PSG11: variants seen among roughly 807,000 people sequenced by gnomAD.
PSG11 encodes the protein pregnancy-specific beta-1-glycoprotein 11.
A neutral mutation model predicts 36.0 loss-of-function variants in PSG11; 42 were observed. The ratio of observed to expected loss-of-function variants is 1.17; its 90% CI spans 0.91 to 1.51. PSG11 has a LOEUF of 1.51. Among genes scored for constraint, PSG11 ranks in the 40% most tolerant of loss-of-function variants. The pLI, the probability that PSG11 is intolerant of heterozygous loss-of-function variation, is 0.00. For missense variants in PSG11, 558 were observed against 403.5 expected, an observed-to-expected ratio of 1.38 and a Z score of -3.28; for synonymous variants, 206 against 153.5, an observed-to-expected ratio of 1.34 and a Z score of -2.53.
At chr19:43,017,832 T>A (rs1281258012) in intron 3 of PSG11, among the ~76,000 whole-genome samples, 2 of 151,650 alleles carry the variant, frequency 1.3e-5, no homozygotes, top group East Asian at 3.9e-4. Context: ...ACCTTTTTGG[T>A]TAAACTTATT....
intron 2 of PSG11, among the ~76,000 whole-genome samples, chr19:43,020,588 G>A (rs924858997): frequency 6.6e-6 from 1 of 151,426 alleles, no homozygotes; most frequent in Admixed American, 6.6e-5. Flanking sequence ...GCTGGTAGTA[G>A]TATTTCTCTT....
In PSG11 at chr19:43,024,962, T is replaced by C; in HGVS notation, c.159A>G (p.Leu53=). 6.2e-7 allele frequency: 1 copy of C among 1,611,736 alleles called. No individual in the cohort carries two copies. Among genetic ancestry groups the C allele is most frequent in the Non-Finnish European group, 8.5e-7 (1 of 1,179,014 alleles). Residue 53 remains leucine, a synonymous_variant, in exon 2 of 6, where the codon CTA becomes CTG. Transcript: ENST00000320078. ...PKVSEGKDVL[L]LVHNLPQNLT... is the part of the protein sequence containing the mutation. Reference sequence around the variant, plus strand: ...GATTCTGGGGCAAATTGTGGACAAGTAGAAGAACATCCTTCCCCTCGGACA... The same window carrying C: ...GATTCTGGGGCAAATTGTGGACAAGCAGAAGAACATCCTTCCCCTCGGACA...
At chr19:43,025,278 T>C (rs1967215756) in intron 1 of PSG11, 1 of 837,320 alleles carries the variant, frequency 1.2e-6, no homozygotes, top group African/African-American at 1.7e-5. Context: ...GTCAGCAGCA[T>C]GACCCCCATT....
intron 4 of PSG11, among the ~76,000 whole-genome samples, chr19:43,013,204 C>A (rs1462743375): frequency 6.6e-6 from 1 of 151,278 alleles, no homozygotes; most frequent in Non-Finnish European, 1.5e-5. Flanking sequence ...CTGGATTTCA[C>A]AATAATTCCT....
At position 43,015,732 on chromosome 19, in the gene PSG11, G is replaced by A. The variant is rs73937305; in HGVS notation, c.710-362C>T. 1,411 of 1,491,360 alleles carry A rather than the reference G, an allele frequency of 9.5e-4. 77 individuals are homozygous for A. In the African/African-American group the frequency reaches 0.017, roughly 18 times the overall value. 92.4% of individuals were successfully genotyped at this position (1,491,360 alleles called of 1,614,324 possible). ...CTGGCCCCTGGTCGTTTGGATTTAA[G>A]CTGGTGTCCTGGCCCACAGAGGAAC... On this transcript the variant is annotated intron_variant, in intron 3 of 5. Coordinates refer to ENST00000320078, the MANE Select transcript of PSG11 (RefSeq NM_002785.3).
At chr19:43,025,936 CTTTTTTTTT>C (rs1195259262) in intron 1 of PSG11, among the ~76,000 whole-genome samples, 1 of 68,148 alleles carries the variant, frequency 1.5e-5, no homozygotes, top group Non-Finnish European at 2.5e-5. Context: ...TTTTTTTTCT[CTTTTTTTTT>C]TTTTTTTTTT....
chr19:43,026,310 T>C lies in PSG11; in HGVS notation c.63A>G (p.Thr21=). ...EHIKWKGLLL[T]ALLLNFWNLP... ...TCTCCCAGGAAGTTCTCTCCTCACC[T>C]GTGAGCAGGAGCCCCTTCCATTTGA... The change falls in exon 1 of 6, where the codon ACA becomes ACG. Residue 21 remains threonine (T), a splice_region_variant and synonymous_variant. Transcript: ENST00000320078. The C allele has an allele frequency of 6.2e-7, 1 of 1,610,536 alleles. No individual in the cohort carries two copies. Among genetic ancestry groups the C allele is most frequent in the Non-Finnish European group, 8.5e-7 (1 of 1,178,354 alleles).
chr19:43,025,655 GTTT>G (rs11346416), intron 1 of PSG11, among the ~76,000 whole-genome samples: 1 of 144,848 alleles, frequency 6.9e-6, no homozygotes, highest in African/African-American at 2.5e-5. Flanking sequence ...CGCCCTGGGT[GTTT>G]TTTTTTTTTT....
At chr19:43,014,422 G>A in intron 4 of PSG11, 2 of 951,980 alleles carry the variant, frequency 2.1e-6, no homozygotes, top group Non-Finnish European at 2.5e-6. Flanking sequence ...GCCTCATACA[G>A]CCAGTGACTT....
At position 43,017,769 on chromosome 19, in the gene PSG11, T is replaced by C. The variant is rs555215494; in HGVS notation, c.709+1001A>G. Reference sequence around the variant, plus strand: ...GAAGTGTCTTTCCATATAATGATATTGTCTTTAATTTCTTTCAGCAATGTT... The same window carrying C: ...GAAGTGTCTTTCCATATAATGATATCGTCTTTAATTTCTTTCAGCAATGTT... On this transcript the variant is annotated intron_variant, in intron 3 of 5. Coordinates refer to ENST00000320078, the MANE Select transcript of PSG11 (RefSeq NM_002785.3). 2.0e-3 allele frequency among the ~76,000 whole-genome samples: 307 copies of C among 151,666 alleles called. 16 individuals carry two copies. Among genetic ancestry groups the C allele is most frequent in the African/African-American group, 7.2e-3 (295 of 41,220 alleles).
chr19:43,025,138 C>G lies in PSG11; in HGVS notation c.65-82G>C, dbSNP rs1311566080. 10 of 1,507,050 alleles carry G rather than the reference C, an allele frequency of 6.6e-6. No homozygotes were observed. The African/African-American group carries it at 1.1e-4, about 17-fold the overall frequency. The allele number at this position is 1,507,050 out of a possible 1,614,324, so 93.4% of individuals were successfully genotyped here. ...ATGGGGCCCTGAGTCCTGAGAAGGTCTCTTCAATCCTCAGCCTTGAAGACA... is the reference window on the plus strand; with the variant it reads ...ATGGGGCCCTGAGTCCTGAGAAGGTGTCTTCAATCCTCAGCCTTGAAGACA... On this transcript the variant is annotated intron_variant, in intron 1 of 5. Transcript: ENST00000320078.
intron 2 of PSG11, among the ~76,000 whole-genome samples, chr19:43,022,618 G>A (rs1254499255): frequency 6.6e-6 from 1 of 151,422 alleles, no homozygotes; most frequent in Non-Finnish European, 1.5e-5. Flanking sequence ...TTGTGTGTGT[G>A]TGTGCAGGAG....
Position 43,022,514 on chromosome 19 carries a change from C to G in PSG11, c.430+2177G>C, listed in dbSNP as rs3950837. ...CCTGATCCACTGGGGAGGCTGATTT[C>G]AGTAATAATAAACCTCTGTCCTCCT... On this transcript the variant is annotated intron_variant, in intron 2 of 5. Transcript: ENST00000320078. 6.8e-3 allele frequency among the ~76,000 whole-genome samples: 1,027 copies of G among 151,440 alleles called. 42 individuals are homozygous for G. The highest frequency in any genetic ancestry group is 0.021 in the African/African-American group (876 of 41,116).
Position 43,015,377 on chromosome 19 carries a change from GAA to G in PSG11, c.710-9_710-8del. Reference sequence around the variant, plus strand: ...CTGGGGAGGTCTGGACCATCTGGAGGAAAGAGAATAAAGCCACAGTTGATGTC... The same window carrying G: ...CTGGGGAGGTCTGGACCATCTGGAGGAGAGAATAAAGCCACAGTTGATGTC... On this transcript the variant is annotated splice_region_variant and splice_polypyrimidine_tract_variant and intron_variant, in intron 3 of 5. Transcript: ENST00000320078. 6.2e-7 allele frequency: 1 copy of G among 1,605,972 alleles called. No homozygotes were observed. Among genetic ancestry groups the G allele is most frequent in the African/African-American group, 1.3e-5 (1 of 74,082 alleles).
chr19:43,018,476 G>C (rs1213450256), intron 3 of PSG11: 8 of 629,006 alleles, frequency 1.3e-5, no homozygotes, highest in Admixed American at 6.4e-5. Flanking sequence ...CAAGACTGAA[G>C]TCCCAGCCAA....
intron 4 of PSG11, among the ~76,000 whole-genome samples, chr19:43,013,889 G>A (rs1428384532): frequency 2.0e-5 from 3 of 151,482 alleles, no homozygotes; most frequent in African/African-American, 4.9e-5. Context: ...TGAAAGATAA[G>A]TGTGTAGGCA....
intron 1 of PSG11, 98 bp downstream of exon 1, chr19:43,026,211 C>T (rs1967250986): frequency 6.4e-7 from 1 of 1,556,028 alleles, no homozygotes; most frequent in Non-Finnish European, 8.8e-7. Context: ...TAAATGCTGG[C>T]TTTTTTATTT....
chr19:43,013,197 G>C (rs1974117364), intron 4 of PSG11, among the ~76,000 whole-genome samples: 1 of 151,268 alleles, frequency 6.6e-6, no homozygotes, highest in Non-Finnish European at 1.5e-5. Flanking sequence ...CATGATACTG[G>C]ATTTCACAAT....
intron 2 of PSG11, among the ~76,000 whole-genome samples, chr19:43,023,923 C>T (rs35147303): frequency 0.2 from 30,437 of 151,272 alleles, 4,071 homozygotes; most frequent in East Asian, 0.35. Context: ...TATTAATTTG[C>T]TTCCATGAGA....
Sources: gnomAD v4.1 joint callset for allele counts (sites outside exome capture counted in the v4.1 genomes callset) on GRCh38, gnomAD v4.1.1 for gene constraint, MANE v1.5 for transcripts, NCBI Gene and HGNC (gene_info 2026-07-23, HGNC 2026-07-21) for gene names.